The following CAPRIN2 variants were observed in gnomAD, a reference collection of about 807,000 sequenced individuals.
The protein encoded by CAPRIN2 is caprin family member 2.
CAPRIN2 carries 66 observed loss-of-function variants against 130.4 expected under a neutral mutation model. That is an observed-to-expected ratio of 0.51 (90% confidence interval 0.42 to 0.62). The LOEUF (loss-of-function observed/expected upper bound fraction) is 0.62. Ranked by LOEUF, CAPRIN2 falls within the 20% of genes least tolerant of loss-of-function variation. The pLI is 0.00. For synonymous variants in CAPRIN2, 471 were observed against 444.1 expected (o/e 1.06, Z -0.76); for missense variants, 1,185 against 1,246.6 (o/e 0.95, Z 0.74).
At chr12:30,744,887 T>A (rs1031181196) in intron 2 of CAPRIN2, among the ~76,000 whole-genome samples, 2 of 152,166 alleles carry the variant, frequency 1.3e-5, no homozygotes, top group African/African-American at 4.8e-5. Context: ...TTAGAGAGCA[T>A]CAGATATGGT....
At chr12:30,739,062 C>A (rs993550539) in intron 3 of CAPRIN2, among the ~76,000 whole-genome samples, 2 of 152,082 alleles carry the variant, frequency 1.3e-5, no homozygotes, top group African/African-American at 2.4e-5. Flanking sequence ...GTTATATATC[C>A]AAAGGAATAT....
At chr12:30,718,698 C>T (rs910303992) in intron 12 of CAPRIN2, among the ~76,000 whole-genome samples, 3 of 152,062 alleles carry the variant, frequency 2.0e-5, no homozygotes, top group Non-Finnish European at 2.9e-5. Context: ...AGTATGTGTC[C>T]GGTATTTCAG....
chr12:30,726,021 T>G, exon 9 of CAPRIN2: 1 of 1,603,536 alleles, frequency 6.2e-7, no homozygotes, highest in Non-Finnish European at 8.5e-7. Context: ...CAGTTTTTCT[T>G]TCCTCAATAC....
chr12:30,729,046 TCTC>T (rs539664209), exon 8 of CAPRIN2: 115 of 1,614,020 alleles, frequency 7.1e-5, no homozygotes, highest in Non-Finnish European at 9.4e-5. Flanking sequence ...GATTTGGAGA[TCTC>T]CTGCTTCTTC....
intron 3 of CAPRIN2, among the ~76,000 whole-genome samples, chr12:30,739,845 A>G (rs2066602428): frequency 6.6e-6 from 1 of 152,230 alleles, no homozygotes; most frequent in Middle Eastern, 3.2e-3. Flanking sequence ...TGCCTGGCAC[A>G]AGGTAGGCAT....
At chr12:30,745,080 T>G (rs2069356465) in intron 2 of CAPRIN2, among the ~76,000 whole-genome samples, 1 of 152,192 alleles carries the variant, frequency 6.6e-6, no homozygotes. Flanking sequence ...GCAGTGGAAT[T>G]ACAAAAGAGG....
Position 30,753,716 on chromosome 12 carries a change from AG to A in CAPRIN2, c.47del (p.Ser16LeufsTer6). The A allele has an allele frequency of 6.2e-7, 1 of 1,613,802 alleles. No individual in the cohort carries two copies. Among genetic ancestry groups the A allele is most frequent in the Non-Finnish European group, 8.5e-7 (1 of 1,179,896 alleles). On this transcript the variant is annotated frameshift_variant, in exon 1 of 17. Coordinates refer to ENST00000298892, the Ensembl canonical transcript of CAPRIN2. LOFTEE classifies it high-confidence loss of function. Reference sequence around the variant, plus strand: ...ACCACTCCCTTAAACTCTTTTCCACAGAAGTGAGCTCGAAACCCAATGATGC... The same window carrying A: ...ACCACTCCCTTAAACTCTTTTCCACAAAGTGAGCTCGAAACCCAATGATGC...
chr12:30,741,619 A>G (rs1319107627), intron 2 of CAPRIN2, among the ~76,000 whole-genome samples: 2 of 152,074 alleles, frequency 1.3e-5, no homozygotes, highest in Non-Finnish European at 2.9e-5. Flanking sequence ...ACTTTTTTTT[A>G]AAGATTTCCC....
Position 30,710,533 on chromosome 12 carries a change from A to C in CAPRIN2, c.2666-63T>G, listed in dbSNP as rs774331857. 1 of 1,598,070 alleles carries C rather than the reference A, an allele frequency of 6.3e-7. No individual in the cohort carries two copies. The highest frequency in any genetic ancestry group is 8.5e-7 in the Non-Finnish European group (1 of 1,173,014). ...CAGTTAGCTTTGAACACAATATTTA[A>C]CATTAGTCGGCTACTGAAACAGACA... On this transcript the variant is annotated intron_variant, in intron 16 of 16. Transcript: ENST00000298892. This position sits in a 1 kb window ranked among gnomAD's most constrained non-coding sequence, Gnocchi z 4.8.
At chr12:30,737,564 T>C (rs566294005) in intron 3 of CAPRIN2, among the ~76,000 whole-genome samples, 1 of 151,626 alleles carries the variant, frequency 6.6e-6, no homozygotes, top group African/African-American at 2.4e-5. Context: ...GAAACCACTC[T>C]CAATCAGTAG....
At chr12:30,721,914 C>A (rs1302900875) in intron 11 of CAPRIN2, among the ~76,000 whole-genome samples, 4 of 152,124 alleles carry the variant, frequency 2.6e-5, no homozygotes, top group African/African-American at 9.7e-5. Flanking sequence ...TTAGATCTGG[C>A]CAAAATATTA....
At chr12:30,712,140 A>G (rs1305300489) in intron 15 of CAPRIN2, among the ~76,000 whole-genome samples, 1 of 152,090 alleles carries the variant, frequency 6.6e-6, no homozygotes, top group East Asian at 1.9e-4. Flanking sequence ...ATAATCTAAT[A>G]TATTAAGAAA....
At chr12:30,736,056 G>T (rs2138526316) in intron 3 of CAPRIN2, among the ~76,000 whole-genome samples, 1 of 151,796 alleles carries the variant, frequency 6.6e-6, no homozygotes, top group Admixed American at 6.6e-5. Context: ...TAGACAGATT[G>T]CTTGAGCCCG....
chr12:30,711,112 CAAACTTTT>C (rs2054322362), intron 16 of CAPRIN2, among the ~76,000 whole-genome samples: 1 of 152,140 alleles, frequency 6.6e-6, no homozygotes, highest in African/African-American at 2.4e-5. Flanking sequence ...CTCCCTTATA[CAAACTTTT>C]AATAGTTCCT....
chr12:30,734,251 C>T (rs545110248), intron 4 of CAPRIN2, among the ~76,000 whole-genome samples: 37 of 152,226 alleles, frequency 2.4e-4, no homozygotes, highest in African/African-American at 8.2e-4. Flanking sequence ...TTCTATTAGG[C>T]TTCTTTCTGA....
exon 1 of CAPRIN2, chr12:30,753,637 T>C (rs145636640): frequency 6.2e-7 from 1 of 1,614,154 alleles, no homozygotes; most frequent in Non-Finnish European, 8.5e-7. Flanking sequence ...AAGTTAAGTA[T>C]AAAATTAGGA....
chr12:30,739,188 C>G (rs1052083007), intron 3 of CAPRIN2, among the ~76,000 whole-genome samples: 1 of 152,058 alleles, frequency 6.6e-6, no homozygotes, highest in African/African-American at 2.4e-5. Flanking sequence ...ATAAAGAAAA[C>G]GTGGTACATA....
exon 1 of CAPRIN2, chr12:30,753,868 G>T: frequency 2.6e-6 from 3 of 1,168,404 alleles, no homozygotes; most frequent in Non-Finnish European, 3.6e-6. Flanking sequence ...TTTCCACATA[G>T]GGAGGAAGAA....
At chr12:30,738,429 T>C (rs1232643637) in intron 3 of CAPRIN2, among the ~76,000 whole-genome samples, 2 of 152,136 alleles carry the variant, frequency 1.3e-5, no homozygotes, top group Non-Finnish European at 2.9e-5. Flanking sequence ...TTTCCTTAAA[T>C]GTAAAACCCA....
Sources: allele counts gnomAD v4.1 joint callset (sites outside exome capture counted in the v4.1 genomes callset), GRCh38; gene constraint gnomAD v4.1.1; non-coding constraint Gnocchi (gnomAD v3.1); transcripts MANE v1.5; gene names NCBI Gene and HGNC (gene_info 2026-07-23, HGNC 2026-07-21).